CNTNAP4: variants seen among roughly 807,000 people sequenced by gnomAD.
The protein encoded by CNTNAP4 is contactin-associated protein-like 4.
CNTNAP4 carries 98 observed loss-of-function variants against 148.4 expected under a neutral mutation model. The observed-to-expected ratio is 0.66, with a 90% CI of 0.56 to 0.78. The LOEUF is 0.78. Among genes scored for constraint, CNTNAP4 ranks in the 30% least tolerant of loss-of-function variants. The probability of loss-of-function intolerance (pLI) is 0.00; values close to 1 mark genes in which losing one functional copy is unlikely to be tolerated. For synonymous variants in CNTNAP4, 730 were observed against 565.1 expected (o/e 1.29, Z -4.14); for missense variants, 1,935 against 1,565.6 (o/e 1.24, Z -3.98).
chr16:76,295,965 G>A (rs1218936468), intron 1 of CNTNAP4, among the ~76,000 whole-genome samples: 2 of 152,136 alleles, frequency 1.3e-5, no homozygotes, highest in Non-Finnish European at 2.9e-5. Flanking sequence ...GGAGATTACA[G>A]ACATGTGCCA....
chr16:76,408,073 T>C (rs1162703757), intron 3 of CNTNAP4, among the ~76,000 whole-genome samples: 1 of 152,022 alleles, frequency 6.6e-6, no homozygotes, highest in African/African-American at 2.4e-5. Flanking sequence ...TTTTTAGCAA[T>C]CAAGTATTTT....
At chr16:76,429,081 CCT>C (rs1287294766) in intron 4 of CNTNAP4, among the ~76,000 whole-genome samples, 2 of 152,162 alleles carry the variant, frequency 1.3e-5, no homozygotes, top group Admixed American at 6.5e-5. Flanking sequence ...GGCCAACTAA[CCT>C]CTCACTATCT....
At chr16:76,334,890 G>A (rs1436659658) in intron 2 of CNTNAP4, among the ~76,000 whole-genome samples, 1 of 151,864 alleles carries the variant, frequency 6.6e-6, no homozygotes, top group Admixed American at 6.6e-5. Context: ...TTTCCATCTG[G>A]TTAACCTTGA....
chr16:76,514,801 T>G, intron 15 of CNTNAP4, among the ~76,000 whole-genome samples: 1 of 152,242 alleles, frequency 6.6e-6, no homozygotes, highest in East Asian at 1.9e-4. Context: ...CATAGGTTAT[T>G]GTGTTCTGAT....
chr16:76,515,104 A>C, intron 15 of CNTNAP4, among the ~76,000 whole-genome samples: 1 of 152,200 alleles, frequency 6.6e-6, no homozygotes, highest in South Asian at 2.1e-4. Flanking sequence ...CTTTATCAAA[A>C]TGAAATTTTA....
intron 12 of CNTNAP4, among the ~76,000 whole-genome samples, chr16:76,489,109 A>G (rs2082123387): frequency 6.6e-6 from 1 of 152,188 alleles, no homozygotes; most frequent in African/African-American, 2.4e-5. Context: ...AAGGAGAGGT[A>G]TATAGAGGGC....
At chr16:76,363,849 G>T (rs1029903003) in intron 3 of CNTNAP4, among the ~76,000 whole-genome samples, 2 of 152,090 alleles carry the variant, frequency 1.3e-5, no homozygotes, top group African/African-American at 4.8e-5. Context: ...CGGTGGCTCT[G>T]TTTCATCTCT....
In CNTNAP4 at chr16:76,344,383, C is replaced by A. The variant is rs149612233; in HGVS notation, c.197-10935C>A. ...TCTTCTGACCACCTATCTATACAGGCAAACAGCATTATTCTTGATAATCCA... is the reference window on the plus strand; with the variant it reads ...TCTTCTGACCACCTATCTATACAGGAAAACAGCATTATTCTTGATAATCCA... On this transcript the variant is annotated intron_variant, in intron 2 of 23. Coordinates refer to ENST00000611870, the MANE Select transcript of CNTNAP4 (RefSeq NM_033401.5). Among the ~76,000 whole-genome samples, 506 of 152,248 alleles carry A rather than the reference C, an allele frequency of 3.3e-3. 5 individuals are homozygous for A. The highest frequency in any genetic ancestry group is 0.01 in the Middle Eastern group (3 of 294).
rs552144325 is a variant in CNTNAP4 at position 76,378,296 on chromosome 16, A to G, written c.390+22785A>G. 2.3e-3 allele frequency among the ~76,000 whole-genome samples: 357 copies of G among 152,328 alleles called. 2 individuals carry two copies. Among genetic ancestry groups the G allele is most frequent in the African/African-American group, 8.5e-3 (353 of 41,576 alleles). ...AAATCTATCAAATTAAAAAATAAAA[A>G]AATATAATGAGGACCCTGGATGGCA... is the stretch of plus-strand genomic sequence containing the variant. On this transcript the variant is annotated intron_variant, in intron 3 of 23. Transcript: ENST00000611870.
intron 1 of CNTNAP4, among the ~76,000 whole-genome samples, chr16:76,302,241 T>C (rs1960048584): frequency 6.6e-6 from 1 of 152,108 alleles, no homozygotes; most frequent in East Asian, 1.9e-4. Flanking sequence ...GCAGGGCAAG[T>C]AGATCTGACA....
chr16:76,448,267 A>C, intron 5 of CNTNAP4, 52 bp downstream of exon 5: 2 of 1,298,620 alleles, frequency 1.5e-6, no homozygotes, highest in South Asian at 2.6e-5. Context: ...GATATCACCT[A>C]AGTCACTTTA....
intron 9 of CNTNAP4, among the ~76,000 whole-genome samples, chr16:76,465,867 A>G (rs1021800966): frequency 6.6e-6 from 1 of 152,228 alleles, no homozygotes; most frequent in Non-Finnish European, 1.5e-5. Flanking sequence ...GTCTGATAAT[A>G]GTTTTAAATT....
intron 3 of CNTNAP4, among the ~76,000 whole-genome samples, chr16:76,369,056 A>T (rs1405935986): frequency 1.3e-5 from 2 of 151,818 alleles, no homozygotes; most frequent in Non-Finnish European, 2.9e-5. Flanking sequence ...GGTTAAAAAA[A>T]AAAGAGCCAT....
chr16:76,376,372 AG>A (rs2015412431), intron 3 of CNTNAP4, among the ~76,000 whole-genome samples: 2 of 152,204 alleles, frequency 1.3e-5, no homozygotes, highest in African/African-American at 2.4e-5. Context: ...CCTAACATAA[AG>A]GCCATTCGAG....
In CNTNAP4 at chr16:76,560,495, T is replaced by G. The variant is rs2085371941; in HGVS notation, c.*1812T>G. On this transcript the variant is annotated 3_prime_UTR_variant, in exon 24 of 24. Transcript: ENST00000611870. ...TTAACATAGAAATGGCATTATTTAT[T>G]CGATGCAAAGCTGAGTGCAAACATC... 6.6e-6 allele frequency among the ~76,000 whole-genome samples: 1 copy of G among 152,362 alleles called. No individual in the cohort carries two copies. The highest frequency in any genetic ancestry group is 6.5e-5 in the Admixed American group (1 of 15,310).
At chr16:76,501,895 C>G (rs1212364451) in intron 15 of CNTNAP4, among the ~76,000 whole-genome samples, 1 of 152,048 alleles carries the variant, frequency 6.6e-6, no homozygotes, top group Non-Finnish European at 1.5e-5. Flanking sequence ...CGGTGAAACC[C>G]CGTCTCTACT....
intron 3 of CNTNAP4, among the ~76,000 whole-genome samples, chr16:76,396,119 A>G (rs1164598924): frequency 1.3e-5 from 2 of 152,214 alleles, no homozygotes; most frequent in Admixed American, 6.5e-5. Flanking sequence ...TAAAACACAG[A>G]TATTTATAAA....
In CNTNAP4 at chr16:76,448,904, C is replaced by T. The variant is rs1340109243; in HGVS notation, c.880C>T (p.His294Tyr). 1 of 1,613,798 alleles carries T rather than the reference C, an allele frequency of 6.2e-7. No individual in the cohort carries two copies. Among genetic ancestry groups the T allele is most frequent in the Admixed American group, 1.7e-5 (1 of 59,988 alleles). ...VNFTVDEHRH[H>Y]FHARGEFNLM... Reference sequence around the variant, plus strand: ...CTTCACAGTGGACGAACACAGGCATCATTTCCATGCACGGGGAGAATTCAA... The same window carrying T: ...CTTCACAGTGGACGAACACAGGCATTATTTCCATGCACGGGGAGAATTCAA... The change falls in exon 6 of 24, where the codon CAT becomes TAT. Residue 294 changes from histidine (H) to tyrosine (Y), a missense_variant. Physicochemically the swap from His to Tyr is moderately conservative, Grantham distance 83. Coordinates refer to ENST00000611870, the MANE Select transcript of CNTNAP4 (RefSeq NM_033401.5).
At chr16:76,422,726 T>G (rs2079232843) in intron 3 of CNTNAP4, among the ~76,000 whole-genome samples, 1 of 151,952 alleles carries the variant, frequency 6.6e-6, no homozygotes, top group South Asian at 2.1e-4. Flanking sequence ...TTTTCCTCAG[T>G]TGTAAAGTGG....
Sources: gnomAD v4.1 joint callset for allele counts (sites outside exome capture counted in the v4.1 genomes callset) on GRCh38, gnomAD v4.1.1 for gene constraint, MANE v1.5 for transcripts, NCBI Gene and HGNC (gene_info 2026-07-23, HGNC 2026-07-21) for gene names.